Variants in GADL1 observed in about 807,000 individuals in gnomAD.
GADL1 encodes GAD like acidic amino acid decarboxylase 1, also known as acidic amino acid decarboxylase GADL1.
In GADL1, 71 loss-of-function variants were observed where a neutral mutation model predicts 69.5. The ratio of observed to expected loss-of-function variants is 1.02; its 90% CI spans 0.84 to 1.25. The LOEUF (loss-of-function observed/expected upper bound fraction) is 1.25. GADL1 is among the 50% of genes most tolerant of loss of function. GADL1 has a pLI of 0.00. For missense variants in GADL1, 737 were observed against 631.8 expected, an observed-to-expected ratio of 1.17 and a Z score of -1.79; for synonymous variants, 254 against 214.4, an observed-to-expected ratio of 1.18 and a Z score of -1.62.
At chr3:30,781,187 T>TTACTCCTTTA (rs1696657961) in intron 13 of GADL1, among the ~76,000 whole-genome samples, 2 of 151,668 alleles carry the variant, frequency 1.3e-5, no homozygotes, top group Admixed American at 6.6e-5. Context: ...CTTTAAAAAA[T>TTACTCCTTTA]TCATGATAAA....
At position 30,876,257 on chromosome 3, in the gene GADL1, A is replaced by G. The variant is rs117314520; in HGVS notation, c.38-14492T>C. 2.6e-4 allele frequency among the ~76,000 whole-genome samples: 40 copies of G among 152,166 alleles called. No individual in the cohort carries two copies. The East Asian group carries it at 6.8e-3, about 26-fold the overall frequency. On this transcript the variant is annotated intron_variant, in intron 1 of 14. Transcript: ENST00000282538. ...CAAGGCTACACAGCTAGAAGGTATC[A>G]GAGATCAAATTCAAATAGGTCTATA...
intron 14 of GADL1, among the ~76,000 whole-genome samples, chr3:30,754,167 T>A (rs2125480127): frequency 6.6e-6 from 1 of 152,346 alleles, no homozygotes; most frequent in South Asian, 2.1e-4. Context: ...AGGTTGTGGA[T>A]TGGCTTTTGA....
At chr3:30,863,314 G>A (rs912658554) in intron 1 of GADL1, among the ~76,000 whole-genome samples, 23 of 151,976 alleles carry the variant, frequency 1.5e-4, no homozygotes, top group African/African-American at 5.1e-4. Context: ...GATTTGTTAA[G>A]CCTGTATTAA....
chr3:30,856,994 G>A, intron 3 of GADL1, 21 bp downstream of exon 3: 1 of 1,541,134 alleles, frequency 6.5e-7, no homozygotes. Flanking sequence ...ACAGATCAAG[G>A]AAGTAAATTA....
intron 11 of GADL1, among the ~76,000 whole-genome samples, chr3:30,818,123 A>T (rs1158530898): frequency 6.6e-6 from 1 of 152,160 alleles, no homozygotes; most frequent in Non-Finnish European, 1.5e-5. Context: ...AGACATGGGC[A>T]TAATGAACCC....
At chr3:30,849,824 G>A (rs748884123) in intron 6 of GADL1, among the ~76,000 whole-genome samples, 172 bp downstream of exon 6, 1 of 152,022 alleles carries the variant, frequency 6.6e-6, no homozygotes, top group Non-Finnish European at 1.5e-5. Context: ...ATTGGACCAG[G>A]CGTTACAACA....
intron 1 of GADL1, among the ~76,000 whole-genome samples, chr3:30,865,661 C>G (rs1251122911): frequency 6.6e-6 from 1 of 151,906 alleles, no homozygotes; most frequent in Admixed American, 6.6e-5. Context: ...CTGAAAGAAC[C>G]CCGGGAACAG....
At chr3:30,769,442 G>A (rs1474315938) in intron 14 of GADL1, among the ~76,000 whole-genome samples, 12 of 152,118 alleles carry the variant, frequency 7.9e-5, no homozygotes, top group South Asian at 2.1e-4. Flanking sequence ...AGCTGAGGAT[G>A]ATTCCTATCT....
At chr3:30,844,586 A>C in intron 6 of GADL1, 120 bp from the exon 7 acceptor site, 1 of 713,340 alleles carries the variant, frequency 1.4e-6, no homozygotes, top group East Asian at 2.5e-5. Flanking sequence ...ACATTATTGC[A>C]TAAAAAAGTA....
At chr3:30,865,254 A>G (rs530169686) in intron 1 of GADL1, among the ~76,000 whole-genome samples, 1 of 151,084 alleles carries the variant, frequency 6.6e-6, no homozygotes, top group East Asian at 2.0e-4. Flanking sequence ...AGCAGTGACT[A>G]CCATGGGATA....
At position 30,836,817 on chromosome 3, in the gene GADL1, C is replaced by T. The variant is rs113898539; in HGVS notation, c.903+2180G>A. Among the ~76,000 whole-genome samples the T allele has an allele frequency of 3.1e-3, 479 of 152,170 alleles. 4 individuals are homozygous for T. The highest frequency in any genetic ancestry group is 0.011 in the African/African-American group (450 of 41,538). On this transcript the variant is annotated intron_variant, in intron 9 of 14. Coordinates refer to ENST00000282538, the MANE Select transcript of GADL1 (RefSeq NM_207359.3). ...TGATTTTGAAGAAGAGCTAGACCAG[C>T]CCGACGTTTTGTTCTCAGACAGAAA...
chr3:30,755,666 C>G (rs1702535607), intron 14 of GADL1, among the ~76,000 whole-genome samples: 1 of 152,132 alleles, frequency 6.6e-6, no homozygotes, highest in South Asian at 2.1e-4. Context: ...CCCTGTTAGA[C>G]TATAAACTCA....
intron 14 of GADL1, among the ~76,000 whole-genome samples, chr3:30,764,240 C>G (rs553032807): frequency 6.6e-6 from 1 of 150,818 alleles, no homozygotes; most frequent in Non-Finnish European, 1.5e-5. Context: ...TTTTTAGATC[C>G]GAGTCATTTT....
intron 1 of GADL1, among the ~76,000 whole-genome samples, chr3:30,877,378 C>T (rs1298191825): frequency 6.6e-6 from 1 of 151,844 alleles, no homozygotes; most frequent in Non-Finnish European, 1.5e-5. Context: ...TCCGCAATTA[C>T]TTTCTAAAAT....
At chr3:30,732,796 G>A (rs1370916195) in intron 14 of GADL1, among the ~76,000 whole-genome samples, 9 of 152,154 alleles carry the variant, frequency 5.9e-5, no homozygotes, top group African/African-American at 1.2e-4. Flanking sequence ...GGTTGCTCAC[G>A]CCTGTAATCT....
At chr3:30,848,901 T>G (rs1461563533) in intron 6 of GADL1, among the ~76,000 whole-genome samples, 1 of 152,196 alleles carries the variant, frequency 6.6e-6, no homozygotes, top group Non-Finnish European at 1.5e-5. Flanking sequence ...GTTCCGTGTA[T>G]TCAAATCCTT....
At chr3:30,745,543 A>G (rs1446312833) in intron 14 of GADL1, among the ~76,000 whole-genome samples, 2 of 152,220 alleles carry the variant, frequency 1.3e-5, no homozygotes, top group East Asian at 3.9e-4. Context: ...GAAGCTGCTC[A>G]ATTAAACAGA....
At chr3:30,770,689 A>AC (rs1207341774) in intron 14 of GADL1, among the ~76,000 whole-genome samples, 1 of 152,038 alleles carries the variant, frequency 6.6e-6, no homozygotes, top group African/African-American at 2.4e-5. Context: ...TCTCATCCTG[A>AC]CCTCAGGCCC....
At chr3:30,774,542 T>C (rs1205448115) in intron 14 of GADL1, among the ~76,000 whole-genome samples, 2 of 152,222 alleles carry the variant, frequency 1.3e-5, no homozygotes, top group South Asian at 2.1e-4. Flanking sequence ...TCTGCATTCA[T>C]AGACTACATT....
Sources: gnomAD v4.1 joint callset for allele counts (sites outside exome capture counted in the v4.1 genomes callset) on GRCh38, gnomAD v4.1.1 for gene constraint, MANE v1.5 for transcripts, NCBI Gene and HGNC (gene_info 2026-07-23, HGNC 2026-07-21) for gene names.